The following NAA60 variants were observed in gnomAD, a reference collection of about 807,000 sequenced individuals.
The protein encoded by NAA60 is N-alpha-acetyltransferase 60, NatF catalytic subunit.
In NAA60, 8 loss-of-function variants were observed where a neutral mutation model predicts 26.1. The ratio of observed to expected loss-of-function variants is 0.31; its 90% CI spans 0.18 to 0.55. The LOEUF (loss-of-function observed/expected upper bound fraction) is 0.55. Ranked by LOEUF, NAA60 falls within the 20% of genes least tolerant of loss-of-function variation. The pLI is 0.93. For synonymous variants in NAA60, 131 were observed against 122.5 expected (o/e 1.07, Z -0.46); for missense variants, 290 against 311.3 (o/e 0.93, Z 0.51).
At chr16:3,448,166 T>TTA (rs757781905) in intron 1 of NAA60, among the ~76,000 whole-genome samples, 15 of 151,600 alleles carry the variant, frequency 9.9e-5, no homozygotes, top group Non-Finnish European at 1.6e-4. Context: ...TCCAGCTACT[T>TTA]TAGAGGCTGA....
At chr16:3,446,641 C>A (rs1388087722) in intron 1 of NAA60, among the ~76,000 whole-genome samples, 18 of 141,616 alleles carry the variant, frequency 1.3e-4, no homozygotes, top group Non-Finnish European at 2.6e-4. Context: ...TTGAGACAGT[C>A]TCACTGTTGC....
chr16:3,452,876 G>A (rs1439517378), intron 2 of NAA60, among the ~76,000 whole-genome samples: 3 of 152,074 alleles, frequency 2.0e-5, no homozygotes, highest in Non-Finnish European at 4.4e-5. Flanking sequence ...GATCACTTGA[G>A]ACCAGGAGGT....
intron 2 of NAA60, 174 bp from the exon 3 acceptor site, chr16:3,476,048 G>A (rs1193959792): frequency 1.4e-5 from 8 of 577,752 alleles, no homozygotes; most frequent in South Asian, 8.3e-5. Flanking sequence ...CGATGGGGGC[G>A]ACTGCAGCGC....
intron 1 of NAA60, among the ~76,000 whole-genome samples, chr16:3,448,094 AC>A (rs1344006510): frequency 2.0e-5 from 3 of 152,076 alleles, no homozygotes; most frequent in Non-Finnish European, 4.4e-5. Flanking sequence ...CAGGTTAGAT[AC>A]AGTGAGGACA....
intron 4 of NAA60, 60 bp from the exon 5 acceptor site, chr16:3,482,442 T>C: frequency 7.3e-7 from 1 of 1,371,248 alleles, no homozygotes; most frequent in South Asian, 1.2e-5. Flanking sequence ...TGGGCCGGGC[T>C]GTGCAGTGAG....
chr16:3,486,767 T>G lies in NAA60; in HGVS notation c.*1507T>G, dbSNP rs925205673. ...CTGCGAATCAGTGGCGATCATGTGA[T>G]TTCTATTTCTGCCCCACAGGGTAAG... On this transcript the variant is annotated 3_prime_UTR_variant, in exon 8 of 8. Coordinates refer to ENST00000407558, the MANE Select transcript of NAA60 (RefSeq NM_001083601.3). The G allele has an allele frequency of 6.6e-6, 1 of 152,314 alleles. No individual in the cohort carries two copies. Among genetic ancestry groups the G allele is most frequent in the African/African-American group, 2.4e-5 (1 of 41,450 alleles). The allele number at this position is 152,314 out of a possible 1,614,324, so 9.4% of individuals were successfully genotyped here.
chr16:3,459,356 G>C (rs2035223150), intron 2 of NAA60, among the ~76,000 whole-genome samples: 1 of 152,210 alleles, frequency 6.6e-6, no homozygotes, highest in African/African-American at 2.4e-5. Flanking sequence ...GGGAGAGGGG[G>C]AGTCTTCAAC....
intron 6 of NAA60, 30 bp from the exon 7 acceptor site, chr16:3,484,669 A>C: frequency 6.4e-7 from 1 of 1,569,038 alleles, no homozygotes; most frequent in Non-Finnish European, 8.6e-7. Flanking sequence ...TGGTCAGGGC[A>C]AGTCGGAATC....
rs1442008227 is a variant in NAA60, at chr16:3,485,458, T to A, written c.*207-9T>A. 2.2e-5 allele frequency: 10 copies of A among 457,276 alleles called. No individual in the cohort carries two copies. Among genetic ancestry groups the A allele is most frequent in the African/African-American group, 2.0e-4 (10 of 50,132 alleles). 28.3% of individuals were successfully genotyped at this position (457,276 alleles called of 1,614,324 possible). Reference sequence around the variant, plus strand: ...CCTTCACCCTGCCCTGCTCTTCTCTTTCCCACAGGCTCTTCAGCTCCCCTC... The same window carrying A: ...CCTTCACCCTGCCCTGCTCTTCTCTATCCCACAGGCTCTTCAGCTCCCCTC... On this transcript the variant is annotated splice_polypyrimidine_tract_variant and intron_variant, in intron 7 of 7. Transcript: ENST00000407558.
intron 3 of NAA60, among the ~76,000 whole-genome samples, chr16:3,477,805 C>G (rs1189460575): frequency 2.0e-5 from 3 of 152,152 alleles, no homozygotes; most frequent in Non-Finnish European, 4.4e-5. Context: ...GTGGCTCACG[C>G]CTGTAATCCC....
rs1023604697 is a variant in NAA60 at position 3,448,286 on chromosome 16, A to C, written c.-76-185A>C. On this transcript the variant is annotated intron_variant, in intron 1 of 7. Coordinates refer to ENST00000407558, the MANE Select transcript of NAA60 (RefSeq NM_001083601.3). ...AAGACCTTGTCTCAAAAAAAAAAAA[A>C]AAAAAAACATGGGTTGCTTTGTAGT... 2.0e-5 allele frequency among the ~76,000 whole-genome samples: 3 copies of C among 151,156 alleles called. No individual in the cohort carries two copies. In the East Asian group the frequency reaches 5.8e-4, roughly 29 times the overall value.
intron 6 of NAA60, among the ~76,000 whole-genome samples, chr16:3,484,334 T>C (rs866773615): frequency 1.3e-5 from 2 of 152,228 alleles, no homozygotes; most frequent in South Asian, 4.1e-4. Context: ...CCTTGTCATA[T>C]GGACAGGGCT....
At chr16:3,455,225 TTTG>T (rs1203388758) in intron 2 of NAA60, among the ~76,000 whole-genome samples, 2 of 151,800 alleles carry the variant, frequency 1.3e-5, no homozygotes, top group South Asian at 2.1e-4. Context: ...CAAATTTTTT[TTTG>T]TTGTTGTATT....
intron 4 of NAA60, among the ~76,000 whole-genome samples, chr16:3,481,883 C>T (rs370616460): frequency 7.2e-5 from 11 of 152,232 alleles, no homozygotes; most frequent in African/African-American, 2.2e-4. Flanking sequence ...TTGTTCTTTA[C>T]GAGTTGGAAG....
At chr16:3,443,955 C>G (rs1214793419) in intron 1 of NAA60, 118 bp downstream of exon 1, 1 of 1,390,858 alleles carries the variant, frequency 7.2e-7, no homozygotes, top group Non-Finnish European at 9.3e-7. Context: ...GTGTCTTGAG[C>G]GGATGGTGGG....
intron 2 of NAA60, among the ~76,000 whole-genome samples, chr16:3,464,546 G>T (rs117929581): frequency 6.6e-6 from 1 of 152,128 alleles, no homozygotes; most frequent in Non-Finnish European, 1.5e-5. Context: ...CTTCCTAGGC[G>T]GTACAGAGGG....
chr16:3,474,572 C>T (rs981344708), intron 2 of NAA60, among the ~76,000 whole-genome samples: 5 of 152,226 alleles, frequency 3.3e-5, no homozygotes, highest in Non-Finnish European at 5.9e-5. Flanking sequence ...CACTTCCCAC[C>T]CATGGCAGCA....
At chr16:3,446,073 T>C (rs1245767255) in intron 1 of NAA60, among the ~76,000 whole-genome samples, 1 of 152,232 alleles carries the variant, frequency 6.6e-6, no homozygotes, top group Non-Finnish European at 1.5e-5. Flanking sequence ...GACAATCTTT[T>C]GCAAGTTTTT....
intron 2 of NAA60, among the ~76,000 whole-genome samples, chr16:3,466,539 G>A (rs1480237938): frequency 6.6e-6 from 1 of 152,198 alleles, no homozygotes; most frequent in Non-Finnish European, 1.5e-5. Flanking sequence ...TGTCACTAAC[G>A]TGCTTTTCTT....
Sources: gnomAD v4.1 joint callset for allele counts (sites outside exome capture counted in the v4.1 genomes callset) on GRCh38, gnomAD v4.1.1 for gene constraint, MANE v1.5 for transcripts, NCBI Gene and HGNC (gene_info 2026-07-23, HGNC 2026-07-21) for gene names.